EIF4G3: variants seen among roughly 807,000 people sequenced by gnomAD.
The protein encoded by EIF4G3 is eukaryotic translation initiation factor 4 gamma 3, also known as eIF-4-gamma 3.
EIF4G3 carries 34 observed loss-of-function variants against 186.4 expected under a neutral mutation model. The ratio of observed to expected loss-of-function variants is 0.18; its 90% CI spans 0.14 to 0.24. EIF4G3 has a LOEUF of 0.24. EIF4G3 is among the 10% of genes least tolerant of loss of function. The pLI, the probability that EIF4G3 is intolerant of heterozygous loss-of-function variation, is 1.00. For synonymous variants in EIF4G3, 673 were observed against 679.5 expected, an observed-to-expected ratio of 0.99 and a Z score of 0.15; for missense variants, 1,536 against 1,948.5, an observed-to-expected ratio of 0.79 and a Z score of 3.99.
chr1:20,889,636 G>A (rs960963765), intron 18 of EIF4G3, among the ~76,000 whole-genome samples: 3 of 151,840 alleles, frequency 2.0e-5, no homozygotes, highest in Non-Finnish European at 2.9e-5. Flanking sequence ...GACTACAGGC[G>A]CCCGCCACCA....
intron 4 of EIF4G3, among the ~76,000 whole-genome samples, chr1:21,007,850 G>A (rs932565739): frequency 3.3e-5 from 5 of 152,144 alleles, no homozygotes; most frequent in Admixed American, 2.6e-4. Context: ...CGGTTATAAA[G>A]AGTGTACAGG....
At chr1:20,974,464 T>C (rs1175189486) in intron 10 of EIF4G3, among the ~76,000 whole-genome samples, 1 of 152,138 alleles carries the variant, frequency 6.6e-6, no homozygotes, top group Non-Finnish European at 1.5e-5. Flanking sequence ...AGAGGTCAAA[T>C]AAGATTTTTC....
chr1:20,833,969 A>G lies in EIF4G3; in HGVS notation c.4062-4697T>C, dbSNP rs530788355. ...AAATATTTAAAAATTTTAACGCAGTAAAGTTCTGATAAGAAATCTTTCAAA... is the reference window on the plus strand; with the variant it reads ...AAATATTTAAAAATTTTAACGCAGTGAAGTTCTGATAAGAAATCTTTCAAA... On this transcript the variant is annotated intron_variant, in intron 30 of 36. Coordinates refer to ENST00000602326, the MANE Select transcript of EIF4G3 (RefSeq NM_001391906.1). 2.8e-3 allele frequency among the ~76,000 whole-genome samples: 427 copies of G among 152,332 alleles called. 1 individual carries two copies. The highest frequency in any genetic ancestry group is 4.5e-3 in the Non-Finnish European group (306 of 68,024).
At chr1:20,929,318 A>G (rs1056847304) in intron 14 of EIF4G3, 2 of 152,168 alleles carry the variant, frequency 1.3e-5, no homozygotes, top group African/African-American at 2.4e-5. Context: ...TCCTTTACCA[A>G]TCACAGCAGA....
intron 11 of EIF4G3, among the ~76,000 whole-genome samples, chr1:20,970,559 G>A (rs2075656465): frequency 6.6e-6 from 1 of 152,134 alleles, no homozygotes. Flanking sequence ...CTTGCAGTGA[G>A]CCAAGATCGC....
intron 4 of EIF4G3, among the ~76,000 whole-genome samples, chr1:21,029,621 GTT>G (rs1553156920): frequency 6.6e-6 from 1 of 151,938 alleles, no homozygotes; most frequent in Non-Finnish European, 1.5e-5. Context: ...TAAACCATTA[GTT>G]TGATTTTTTT....
At chr1:21,172,850 G>A (rs1469402638) in intron 2 of EIF4G3, among the ~76,000 whole-genome samples, 2 of 150,926 alleles carry the variant, frequency 1.3e-5, no homozygotes, top group African/African-American at 4.9e-5. Context: ...GACTTAAGAT[G>A]TGGTTCTCGG....
intron 2 of EIF4G3, among the ~76,000 whole-genome samples, chr1:21,100,863 A>G (rs961525662): frequency 6.6e-6 from 1 of 152,200 alleles, no homozygotes; most frequent in Non-Finnish European, 1.5e-5. Flanking sequence ...AATGACAGGA[A>G]AAAAGCAATA....
At chr1:21,051,086 C>T (rs1042490982) in intron 3 of EIF4G3, 92 bp from the exon 4 acceptor site, 1 of 670,086 alleles carries the variant, frequency 1.5e-6, no homozygotes, top group Admixed American at 2.3e-5. Context: ...ATTGGATTTC[C>T]TACCTCACAA....
intron 14 of EIF4G3, among the ~76,000 whole-genome samples, chr1:20,913,098 C>T (rs1572680349): frequency 1.3e-5 from 2 of 152,008 alleles, no homozygotes; most frequent in Admixed American, 6.6e-5. Flanking sequence ...TCTCAGAGGT[C>T]GTTATTTGAA....
intron 30 of EIF4G3, among the ~76,000 whole-genome samples, chr1:20,829,713 A>T (rs544155204): frequency 8.5e-5 from 13 of 152,356 alleles, no homozygotes; most frequent in Non-Finnish European, 1.6e-4. Flanking sequence ...ACTTACTGTA[A>T]AACACAAAAA....
At chr1:20,861,905 C>A (rs987354945) in intron 23 of EIF4G3, among the ~76,000 whole-genome samples, 2 of 151,664 alleles carry the variant, frequency 1.3e-5, no homozygotes, top group African/African-American at 4.9e-5. Flanking sequence ...ACCTGGGAGG[C>A]GGAGGCTGCA....
At chr1:20,846,931 T>C (rs1338938252) in intron 29 of EIF4G3, among the ~76,000 whole-genome samples, 2 of 152,176 alleles carry the variant, frequency 1.3e-5, no homozygotes, top group African/African-American at 4.8e-5. Context: ...TCAATAAATA[T>C]TAATTTGAAT....
At position 20,941,704 on chromosome 1, in the gene EIF4G3, T is replaced by A; in HGVS notation, c.1450A>T (p.Thr484Ser). 1.2e-6 allele frequency: 2 copies of A among 1,611,202 alleles called. No homozygotes were observed. The highest frequency in any genetic ancestry group is 4.5e-5 in the East Asian group (2 of 44,828). The part of the protein sequence containing the change: ...PPTPPASPPH[T>S]PVIVPAAATT... Reference sequence around the variant, plus strand: ...GCAGCAGCAGGAACAATGACTGGAGTGTGAGGAGGAGAAGCTGGAGGAGTT... The same window carrying A: ...GCAGCAGCAGGAACAATGACTGGAGAGTGAGGAGGAGAAGCTGGAGGAGTT... The change falls in exon 14 of 37, where the codon ACT becomes TCT. Residue 484 changes from threonine to serine, a missense_variant. Thr to Ser is a moderately conservative substitution (Grantham distance 58). Coordinates refer to ENST00000602326, the MANE Select transcript of EIF4G3 (RefSeq NM_001391906.1).
intron 30 of EIF4G3, among the ~76,000 whole-genome samples, chr1:20,834,176 C>A (rs534653230): frequency 1.8e-4 from 27 of 152,258 alleles, no homozygotes; most frequent in Non-Finnish European, 3.5e-4. Context: ...CGGCCAGGCG[C>A]AATGGCTCAT....
chr1:20,814,530 ACAC>A (rs1051334415), intron 34 of EIF4G3, among the ~76,000 whole-genome samples: 3 of 152,110 alleles, frequency 2.0e-5, no homozygotes, highest in African/African-American at 4.8e-5. Flanking sequence ...TGAAAGAACA[ACAC>A]CACAACTGCA....
chr1:21,172,206 G>T (rs887646029), intron 2 of EIF4G3, among the ~76,000 whole-genome samples: 1 of 151,188 alleles, frequency 6.6e-6, no homozygotes. Flanking sequence ...GAAAAAGCAG[G>T]CCGGCAGAAG....
At chr1:21,053,289 G>C (rs2094360951) in intron 3 of EIF4G3, among the ~76,000 whole-genome samples, 2 of 150,938 alleles carry the variant, frequency 1.3e-5, no homozygotes, top group Non-Finnish European at 3.0e-5. Context: ...GAGAAGTGAG[G>C]AGCCCCTCCG....
At position 21,059,467 on chromosome 1, in the gene EIF4G3, G is replaced by A. The variant is rs548711709; in HGVS notation, c.-195-8473C>T. 2.6e-5 allele frequency among the ~76,000 whole-genome samples: 4 copies of A among 151,992 alleles called. 1 individual carries two copies. In the South Asian group the frequency reaches 6.3e-4, roughly 24 times the overall value. On this transcript the variant is annotated intron_variant, in intron 3 of 36. Coordinates refer to ENST00000602326, the MANE Select transcript of EIF4G3 (RefSeq NM_001391906.1). ...GCTCAACTAAAAGGAGCACTACAGT[G>A]GATATGAGGAAGGAAGTTTTACTTA...
Sources: allele counts gnomAD v4.1 joint callset (sites outside exome capture counted in the v4.1 genomes callset), GRCh38; gene constraint gnomAD v4.1.1; transcripts MANE v1.5; gene names NCBI Gene and HGNC (gene_info 2026-07-23, HGNC 2026-07-21).